Variants in SEMA3F observed in about 807,000 individuals in gnomAD.
SEMA3F encodes the protein semaphorin 3F.
SEMA3F carries 30 observed loss-of-function variants against 98.5 expected under a neutral mutation model. That is an observed-to-expected ratio of 0.30 (90% CI 0.23 to 0.41). The LOEUF (loss-of-function observed/expected upper bound fraction) is 0.41. Among genes scored for constraint, SEMA3F ranks in the 10% least tolerant of loss-of-function variants. The pLI, the probability that SEMA3F is intolerant of heterozygous loss-of-function variation, is 1.00. For missense variants in SEMA3F, 866 were observed against 1,119.3 expected (o/e 0.77, Z 3.23); for synonymous variants, 380 against 444.8 (o/e 0.85, Z 1.83).
chr3:50,171,635 C>G (rs1480120296), intron 2 of SEMA3F, among the ~76,000 whole-genome samples: 2 of 152,152 alleles, frequency 1.3e-5, no homozygotes, highest in African/African-American at 4.8e-5. Context: ...ACTGGCAGCC[C>G]CACTTCCTCT....
chr3:50,174,090 C>A lies in SEMA3F; in HGVS notation c.312C>A (p.Cys104Ter). 6.2e-7 allele frequency: 1 copy of A among 1,614,134 alleles called. No homozygotes were observed. Among genetic ancestry groups the A allele is most frequent in the Non-Finnish European group, 8.5e-7 (1 of 1,180,024 alleles). ...CCTCCCCACAGCGCATCGAGGAATG[C>A]GTGCTCTCAGGCAAGGATGTCAACG... Reference protein sequence around the residue: ...WAASPQRIEECVLSGKDVNGE... With the variant: ...WAASPQRIEE The change falls in exon 4 of 19, where the codon TGC (cysteine) becomes TGA (stop). Residue 104 changes from cysteine (C) to a stop codon, truncating the protein, a stop_gained. Coordinates refer to ENST00000002829, the MANE Select transcript of SEMA3F (RefSeq NM_004186.5). LOFTEE classifies it high-confidence loss of function.
At chr3:50,159,406 A>G (rs1036912102) in intron 1 of SEMA3F, 169 bp from the exon 2 acceptor site, 12 of 519,186 alleles carry the variant, frequency 2.3e-5, no homozygotes, top group Admixed American at 4.0e-5. Flanking sequence ...CTATCTCCCC[A>G]GACAAAGGCA....
intron 2 of SEMA3F, among the ~76,000 whole-genome samples, chr3:50,171,579 G>A (rs1698605814): frequency 6.6e-6 from 1 of 152,174 alleles, no homozygotes; most frequent in Non-Finnish European, 1.5e-5. Flanking sequence ...CCCCCAGCCA[G>A]GGTATAAATA....
chr3:50,184,829 T>G lies in SEMA3F; in HGVS notation c.1456+15T>G. The G allele has an allele frequency of 6.3e-7, 1 of 1,597,384 alleles. No homozygotes were observed. The highest frequency in any genetic ancestry group is 2.2e-5 in the East Asian group (1 of 44,500). On this transcript the variant is annotated intron_variant, in intron 13 of 18. Transcript: ENST00000002829. ...CCTGGGCACAGGTACCCACTGCTGC[T>G]CCCGGCCTCTCCCACGCTGGGCCCA...
At chr3:50,171,555 A>G (rs2109081876) in intron 2 of SEMA3F, among the ~76,000 whole-genome samples, 1 of 152,190 alleles carries the variant, frequency 6.6e-6, no homozygotes, top group Admixed American at 6.5e-5. Context: ...GGGTAAGGGC[A>G]TGACCGAGCC....
At chr3:50,179,380 C>T (rs1698941291) in intron 7 of SEMA3F, among the ~76,000 whole-genome samples, 1 of 150,214 alleles carries the variant, frequency 6.7e-6, no homozygotes, top group Non-Finnish European at 1.5e-5. Flanking sequence ...GGCTGGAGTG[C>T]AGTGGCACCA....
chr3:50,161,618 A>T (rs1698212330), intron 2 of SEMA3F, among the ~76,000 whole-genome samples: 1 of 152,182 alleles, frequency 6.6e-6, no homozygotes, highest in Non-Finnish European at 1.5e-5. Flanking sequence ...CCCTGCCCTG[A>T]ATGACCTTCC....
chr3:50,159,390 T>C (rs1309272981), intron 1 of SEMA3F, 185 bp from the exon 2 acceptor site: 1 of 495,728 alleles, frequency 2.0e-6, no homozygotes. Flanking sequence ...CTGGGGCCTA[T>C]TGGTACTATC....
At chr3:50,164,429 A>G (rs1698329401) in intron 2 of SEMA3F, among the ~76,000 whole-genome samples, 2 of 152,188 alleles carry the variant, frequency 1.3e-5, no homozygotes, top group African/African-American at 4.8e-5. Context: ...TGAGCCTCAG[A>G]GTGGGCTCTT....
chr3:50,156,325 A>T lies in SEMA3F; in HGVS notation c.-49+761A>T, dbSNP rs1697981045. On this transcript the variant is annotated intron_variant, in intron 1 of 18. Coordinates refer to ENST00000002829, the MANE Select transcript of SEMA3F (RefSeq NM_004186.5). This position sits in a 1 kb window ranked among gnomAD's most constrained non-coding sequence, Gnocchi z 4.5. The stretch of plus-strand genomic sequence containing the variant: ...AGGAGGGTATCAAAGTTGGCCTAGG[A>T]ATGAGGCAGTGCTGGCGGGAGTTGG... Among the ~76,000 whole-genome samples, 1 of 152,168 alleles carries T rather than the reference A, an allele frequency of 6.6e-6. No homozygotes were observed. The highest frequency in any genetic ancestry group is 6.5e-5 in the Admixed American group (1 of 15,278).
Position 50,174,281 on chromosome 3 carries a change from C to T in SEMA3F, c.387C>T (p.His129=), listed in dbSNP as rs1360051460. Residue 129 remains histidine (H), a synonymous_variant, in exon 5 of 19, where the codon CAC becomes CAT. Coordinates refer to ENST00000002829, the MANE Select transcript of SEMA3F (RefSeq NM_004186.5). The part of the protein sequence containing the change: ...VRLIQPWNRT[H]LYVCGTGAYN... Reference sequence around the variant, plus strand: ...TCATCCAGCCCTGGAACCGAACACACCTGTATGTGTGCGGGACAGGTGCCT... The same window carrying T: ...TCATCCAGCCCTGGAACCGAACACATCTGTATGTGTGCGGGACAGGTGCCT... The T allele has an allele frequency of 1.2e-6, 2 of 1,613,502 alleles. No individual in the cohort carries two copies. The highest frequency in any genetic ancestry group is 1.1e-5 in the South Asian group (1 of 91,090).
rs1699234550 is a variant in SEMA3F at position 50,186,729 on chromosome 3, G to C, written c.1930G>C (p.Gly644Arg). The C allele has an allele frequency of 1.9e-6, 3 of 1,603,422 alleles. No individual in the cohort carries two copies. Among genetic ancestry groups the C allele is most frequent in the African/African-American group, 1.3e-5 (1 of 74,768 alleles). ...TAAGTGGCTGTTCCAGCGAGATCCT[G>C]GTGACCGGCGCCGAGAGGTGAGTTC... is the stretch of plus-strand genomic sequence containing the variant. ...TVKWLFQRDPGDRRREIRAED... is the reference protein window; with the variant it reads ...TVKWLFQRDPRDRRREIRAED... Residue 644 changes from glycine to arginine, a missense_variant, in exon 18 of 19, where the codon GGT becomes CGT. By Grantham distance (125) the Gly-to-Arg change is moderately radical. Around this residue, in one of 3 missense-constraint regions of SEMA3F, gnomAD observed 245 missense variants for 260.5 expected, o/e 0.94. Transcript: ENST00000002829.
In SEMA3F at chr3:50,188,090, G is replaced by A. The variant is rs761760550; in HGVS notation, c.2333G>A (p.Arg778His). ...EPQDQKKPRN[R>H]RHHPPDT Reference sequence around the variant, plus strand: ...CAGGACCAGAAAAAGCCCCGGAACCGCCGGCACCACCCTCCGGACACATGA... The same window carrying A: ...CAGGACCAGAAAAAGCCCCGGAACCACCGGCACCACCCTCCGGACACATGA... The change falls in exon 19 of 19, where the codon CGC becomes CAC. Residue 778 changes from arginine to histidine, a missense_variant. Coordinates refer to ENST00000002829, the MANE Select transcript of SEMA3F (RefSeq NM_004186.5). This position sits in a 1 kb window ranked among gnomAD's most constrained non-coding sequence, Gnocchi z 4.5. 17 of 1,542,918 alleles carry A rather than the reference G, an allele frequency of 1.1e-5. No individual in the cohort carries two copies. The highest frequency in any genetic ancestry group is 6.0e-5 in the South Asian group (5 of 82,978).
intron 5 of SEMA3F, 43 bp from the exon 6 acceptor site, chr3:50,175,053 C>A (rs778083366): frequency 7.2e-7 from 1 of 1,382,838 alleles, no homozygotes; most frequent in South Asian, 1.2e-5. Flanking sequence ...CTCCCCCAGC[C>A]CCTGCCACCC....
At chr3:50,184,926 ACTT>A (rs1699153348) in intron 13 of SEMA3F, 112 bp downstream of exon 13, 1 of 743,588 alleles carries the variant, frequency 1.3e-6, no homozygotes, top group South Asian at 1.7e-5. Flanking sequence ...CATCAGAGTC[ACTT>A]CTTCATCCTC....
rs568207491 is a variant in SEMA3F at position 50,168,439 on chromosome 3, G to T, written c.113-5354G>T. Among the ~76,000 whole-genome samples the T allele has an allele frequency of 6.6e-5, 10 of 152,276 alleles. No individual in the cohort carries two copies. In the East Asian group the frequency reaches 1.9e-3, roughly 29 times the overall value. Reference sequence around the variant, plus strand: ...GGAGCCCAAGGCAGGCGTCACTCAGGTGTGTCTCTGCACATACTGGGCCCT... The same window carrying T: ...GGAGCCCAAGGCAGGCGTCACTCAGTTGTGTCTCTGCACATACTGGGCCCT... On this transcript the variant is annotated intron_variant, in intron 2 of 18. Transcript: ENST00000002829.
In SEMA3F at chr3:50,186,232, G is replaced by C. The variant is rs755716981; in HGVS notation, c.1746-49G>C. On this transcript the variant is annotated intron_variant, in intron 16 of 18. Coordinates refer to ENST00000002829, the MANE Select transcript of SEMA3F (RefSeq NM_004186.5). Reference sequence around the variant, plus strand: ...GGAGTCAGGGAGATACAGGGACCTGGGGGGGCAAGCTTCCTGGGAGCACTC... The same window carrying C: ...GGAGTCAGGGAGATACAGGGACCTGCGGGGGCAAGCTTCCTGGGAGCACTC... The C allele has an allele frequency of 5.0e-6, 8 of 1,591,266 alleles. No individual in the cohort carries two copies. The Admixed American group carries it at 6.7e-5, about 13-fold the overall frequency.
Position 50,188,172 on chromosome 3 carries a change from AAG to A in SEMA3F, c.*59_*60del, listed in dbSNP as rs1432524177. The A allele has an allele frequency of 4.8e-6, 2 of 416,098 alleles. No homozygotes were observed. Among genetic ancestry groups the A allele is most frequent in the African/African-American group, 5.2e-5 (2 of 38,154 alleles). 25.8% of individuals were successfully genotyped at this position (416,098 alleles called of 1,614,324 possible). A position where few individuals can be genotyped will look rare whatever the true frequency, so the allele number is the denominator to read the frequency against. ...CTAGCCCTTGTCCCTTTTAATATAA[AAG>A]ATATATATATATATATATATATATA... On this transcript the variant is annotated 3_prime_UTR_variant, in exon 19 of 19. Coordinates refer to ENST00000002829, the MANE Select transcript of SEMA3F (RefSeq NM_004186.5). The surrounding 1 kb of genome is among the most constrained non-coding windows in gnomAD (Gnocchi z 4.5).
intron 12 of SEMA3F, 93 bp from the exon 13 acceptor site, chr3:50,184,499 G>A: frequency 1.2e-6 from 1 of 860,706 alleles, no homozygotes; most frequent in African/African-American, 1.6e-5. Flanking sequence ...TGAGGTAGTG[G>A]GGACAGACAG....
Sources: allele counts gnomAD v4.1 joint callset (sites outside exome capture counted in the v4.1 genomes callset), GRCh38; gene constraint gnomAD v4.1.1; regional missense constraint gnomAD v4.1.1; non-coding constraint Gnocchi (gnomAD v3.1); transcripts MANE v1.5; gene names NCBI Gene and HGNC (gene_info 2026-07-23, HGNC 2026-07-21).